RNF2: variants seen among roughly 807,000 people sequenced by gnomAD.
RNF2 encodes E3 ubiquitin-protein ligase RING2.
Under a neutral mutation model 37.2 loss-of-function variants are expected in RNF2, and 6 were observed. That is an observed-to-expected ratio of 0.16 (90% CI 0.09 to 0.32). The LOEUF (loss-of-function observed/expected upper bound fraction) is 0.32, where lower values mean the gene tolerates loss of function less well. Ranked by LOEUF, RNF2 falls within the 10% of genes least tolerant of loss-of-function variation. RNF2 has a pLI of 1.00. For missense variants in RNF2, 251 were observed against 404.0 expected (o/e 0.62, Z 3.25); for synonymous variants, 133 against 132.7 (o/e 1.00, Z -0.02).
chr1:185,063,721 G>A (rs920022511), intron 1 of RNF2, among the ~76,000 whole-genome samples: 1 of 152,200 alleles, frequency 6.6e-6, no homozygotes, highest in Non-Finnish European at 1.5e-5. Context: ...CGTTTCTGGA[G>A]TCTCTAGGGG....
intron 1 of RNF2, among the ~76,000 whole-genome samples, chr1:185,083,066 G>GC (rs1219942589): frequency 6.6e-6 from 1 of 152,150 alleles, no homozygotes; most frequent in Non-Finnish European, 1.5e-5. Context: ...CATCTTCAAA[G>GC]CAGCATCATT....
At position 185,102,566 on chromosome 1, in the gene RNF2, T is replaced by A. The variant is rs1652105525; in HGVS notation, c.*2265T>A. 6.6e-6 allele frequency: 1 copy of A among 152,214 alleles called. No homozygotes were observed. Among genetic ancestry groups the A allele is most frequent in the South Asian group, 2.1e-4 (1 of 4,834 alleles). The allele number at this position is 152,214 out of a possible 1,614,324, so 9.4% of individuals were successfully genotyped here. A position where few individuals can be genotyped will look rare whatever the true frequency, so the allele number is the denominator to read the frequency against. ...TTTTCATCACCCCAAACAGAAACTCTGTGTGCAATTAAAGTAATGCATTTC... is the reference window on the plus strand; with the variant it reads ...TTTTCATCACCCCAAACAGAAACTCAGTGTGCAATTAAAGTAATGCATTTC... On this transcript the variant is annotated 3_prime_UTR_variant, in exon 7 of 7. Transcript: ENST00000367510.
intron 3 of RNF2, among the ~76,000 whole-genome samples, chr1:185,092,215 C>T (rs1202716917): frequency 1.4e-5 from 2 of 146,938 alleles, no homozygotes; most frequent in African/African-American, 2.5e-5. Context: ...CTTACTCTGT[C>T]ACCCAGGCTG....
At chr1:185,096,275 T>G (rs1557975434) in intron 4 of RNF2, among the ~76,000 whole-genome samples, 1 of 152,214 alleles carries the variant, frequency 6.6e-6, no homozygotes, top group Non-Finnish European at 1.5e-5. Flanking sequence ...TATAACAGAA[T>G]TTTCCATCTT....
intron 1 of RNF2, among the ~76,000 whole-genome samples, chr1:185,084,167 C>G (rs1428684354): frequency 6.6e-6 from 1 of 152,064 alleles, no homozygotes; most frequent in Non-Finnish European, 1.5e-5. Context: ...TGGTCTTGAA[C>G]TCCTGGCCTC....
intron 3 of RNF2, among the ~76,000 whole-genome samples, chr1:185,092,679 T>C (rs1351233280): frequency 1.3e-5 from 2 of 152,092 alleles, no homozygotes; most frequent in Admixed American, 6.6e-5. Context: ...GAAAGTATTA[T>C]TTCAGTAAAA....
At chr1:185,046,752 G>C (rs1650134106) in intron 1 of RNF2, among the ~76,000 whole-genome samples, 1 of 152,140 alleles carries the variant, frequency 6.6e-6, no homozygotes, top group South Asian at 2.1e-4. Flanking sequence ...GTTCTAAACC[G>C]AGGATATGTT....
At chr1:185,087,518 A>G in intron 1 of RNF2, 34 bp from the exon 2 acceptor site, 1 of 1,580,966 alleles carries the variant, frequency 6.3e-7, no homozygotes, top group Non-Finnish European at 8.7e-7. Context: ...CCTTCCAAAT[A>G]CTAAAATTGT....
At chr1:185,045,802 C>A (rs1453915080) in intron 1 of RNF2, among the ~76,000 whole-genome samples, 153 bp downstream of exon 1, 1 of 152,142 alleles carries the variant, frequency 6.6e-6, no homozygotes, top group Non-Finnish European at 1.5e-5. Flanking sequence ...CCGCCGCCGC[C>A]CCCGGCCGCT....
intron 1 of RNF2, among the ~76,000 whole-genome samples, chr1:185,081,811 C>T (rs1476238573): frequency 1.3e-5 from 2 of 152,116 alleles, no homozygotes; most frequent in African/African-American, 4.8e-5. Flanking sequence ...GTGGGCATTG[C>T]AGTTTTCGGT....
chr1:185,078,222 G>A (rs1448995860), intron 1 of RNF2, among the ~76,000 whole-genome samples: 1 of 152,182 alleles, frequency 6.6e-6, no homozygotes, highest in Non-Finnish European at 1.5e-5. Context: ...ATTCCAGCCT[G>A]GGTGACAAAG....
chr1:185,077,453 G>A (rs559158144), intron 1 of RNF2, among the ~76,000 whole-genome samples: 36 of 152,102 alleles, frequency 2.4e-4, no homozygotes, highest in African/African-American at 8.7e-4. Context: ...GGGACTTCCG[G>A]TAGATTTTTC....
In RNF2 at chr1:185,054,413, C is replaced by T. The variant is rs549155706; in HGVS notation, c.-3+8764C>T. ...ACGTGTCAAGGCTGGACACTGTGCTCTGTGTCCTGGGGCACGTCTGGTGAT... is the reference window on the plus strand; with the variant it reads ...ACGTGTCAAGGCTGGACACTGTGCTTTGTGTCCTGGGGCACGTCTGGTGAT... On this transcript the variant is annotated intron_variant, in intron 1 of 6. Transcript: ENST00000367510. 2.0e-5 allele frequency among the ~76,000 whole-genome samples: 3 copies of T among 152,342 alleles called. No individual in the cohort carries two copies. The South Asian group carries it at 6.2e-4, about 32-fold the overall frequency.
chr1:185,090,020 C>G (rs1374062492), intron 2 of RNF2, among the ~76,000 whole-genome samples: 1 of 152,092 alleles, frequency 6.6e-6, no homozygotes, highest in Admixed American at 6.5e-5. Context: ...CTCCCAGATT[C>G]AAATGATTCT....
chr1:185,060,095 A>C (rs559199353), intron 1 of RNF2, among the ~76,000 whole-genome samples: 1 of 152,372 alleles, frequency 6.6e-6, no homozygotes, highest in South Asian at 2.1e-4. Context: ...AAAGGATAAC[A>C]ATCTTGGAAT....
Position 185,100,319 on chromosome 1 carries a change from C to A in RNF2, c.*18C>A, listed in dbSNP as rs748805591. The A allele has an allele frequency of 1.3e-6, 2 of 1,549,270 alleles. No individual in the cohort carries two copies. The highest frequency in any genetic ancestry group is 1.4e-5 in the African/African-American group (1 of 72,376). On this transcript the variant is annotated 3_prime_UTR_variant, in exon 7 of 7. Coordinates refer to ENST00000367510, the MANE Select transcript of RNF2 (RefSeq NM_007212.4). Reference sequence around the variant, plus strand: ...ACAAATGAGCCTTTAAAAACCAATTCTGAGACTGAACTTTTTTATAGCCTA... The same window carrying A: ...ACAAATGAGCCTTTAAAAACCAATTATGAGACTGAACTTTTTTATAGCCTA...
At position 185,100,329 on chromosome 1, in the gene RNF2, AC is replaced by A. The variant is rs1456571456; in HGVS notation, c.*29del. 2 of 1,425,174 alleles carry A rather than the reference AC, an allele frequency of 1.4e-6. No individual in the cohort carries two copies. The highest frequency in any genetic ancestry group is 1.9e-6 in the Non-Finnish European group (2 of 1,026,564). 88.3% of individuals were successfully genotyped at this position (1,425,174 alleles called of 1,614,324 possible). On this transcript the variant is annotated 3_prime_UTR_variant, in exon 7 of 7. Transcript: ENST00000367510. ...CTTTAAAAACCAATTCTGAGACTGA[AC>A]TTTTTTATAGCCTATTTCTTTAATA... is the stretch of plus-strand genomic sequence containing the variant.
intron 1 of RNF2, among the ~76,000 whole-genome samples, chr1:185,066,955 C>G (rs2102167507): frequency 6.6e-6 from 1 of 152,258 alleles, no homozygotes; most frequent in South Asian, 2.1e-4. Context: ...CTTTAAAAAT[C>G]TTAAAAACAT....
chr1:185,094,305 G>T (rs1184042653), intron 4 of RNF2, among the ~76,000 whole-genome samples: 5 of 151,894 alleles, frequency 3.3e-5, no homozygotes, highest in Non-Finnish European at 5.9e-5. Flanking sequence ...ACCATGCCCA[G>T]CTAATTTTTG....
Sources: gnomAD v4.1 joint callset for allele counts (sites outside exome capture counted in the v4.1 genomes callset) on GRCh38, gnomAD v4.1.1 for gene constraint, MANE v1.5 for transcripts, NCBI Gene and HGNC (gene_info 2026-07-23, HGNC 2026-07-21) for gene names.